CLEC1A: variants seen among roughly 807,000 people sequenced by gnomAD.
CLEC1A encodes C-type lectin-like receptor-1.
A neutral mutation model predicts 28.7 loss-of-function variants in CLEC1A; 34 were observed. The observed-to-expected ratio is 1.18, with a 90% CI of 0.90 to 1.57. The LOEUF is 1.57. Among genes scored for constraint, CLEC1A ranks in the 40% most tolerant of loss-of-function variants. The pLI, the probability that CLEC1A is intolerant of heterozygous loss-of-function variation, is 0.00. For synonymous variants in CLEC1A, 116 were observed against 121.0 expected (o/e 0.96, Z 0.27); for missense variants, 385 against 339.5 (o/e 1.13, Z -1.05).
intron 1 of CLEC1A, among the ~76,000 whole-genome samples, chr12:10,097,840 C>T (rs1314618794): frequency 1.4e-5 from 2 of 138,716 alleles, no homozygotes; most frequent in Non-Finnish European, 3.1e-5. Context: ...GACATCCCTA[C>T]TTTTGTCACT....
intron 3 of CLEC1A, among the ~76,000 whole-genome samples, chr12:10,079,531 AT>A (rs869108998): frequency 2.2e-5 from 3 of 139,270 alleles, no homozygotes; most frequent in Admixed American, 7.0e-5. Context: ...TTAAAAAAAA[AT>A]TTTTTTTAGC....
chr12:10,083,594 T>C (rs1354649054), intron 2 of CLEC1A, among the ~76,000 whole-genome samples: 1 of 152,152 alleles, frequency 6.6e-6, no homozygotes, highest in Non-Finnish European at 1.5e-5. Context: ...TGCCTCAGCC[T>C]CTCAAGTGGC....
rs988120041 is a variant in CLEC1A, at chr12:10,098,834, G to A, written c.89C>T (p.Thr30Ile). The A allele has an allele frequency of 4.3e-6, 7 of 1,613,528 alleles. No individual in the cohort carries two copies. Among genetic ancestry groups the A allele is most frequent in the Non-Finnish European group, 5.9e-6 (7 of 1,179,696 alleles). ...MSLHSQGSAT[T>I]RHPEPRRTEH... is the part of the protein sequence containing the mutation. Reference sequence around the variant, plus strand: ...TGTGCGCCGGGGCTCTGGATGCCGAGTTGTGGCAGAGCCTTGAGAATGCAG... The same window carrying A: ...TGTGCGCCGGGGCTCTGGATGCCGAATTGTGGCAGAGCCTTGAGAATGCAG... Residue 30 changes from threonine to isoleucine, a missense_variant, in exon 1 of 6, where the codon ACT (threonine) becomes ATT (isoleucine). Physicochemically the swap from Thr to Ile is moderately conservative, Grantham distance 89. Transcript: ENST00000315330.
chr12:10,093,762 C>A (rs1477502162), intron 1 of CLEC1A, among the ~76,000 whole-genome samples: 3 of 151,936 alleles, frequency 2.0e-5, no homozygotes, highest in Non-Finnish European at 4.4e-5. Context: ...GACATGGGGG[C>A]AAAACTGGTG....
chr12:10,084,140 C>A (rs1273941423), intron 2 of CLEC1A: 1 of 152,206 alleles, frequency 6.6e-6, no homozygotes, highest in African/African-American at 2.4e-5. Flanking sequence ...CAGGAAAACA[C>A]CCATGGTCTT....
intron 1 of CLEC1A, among the ~76,000 whole-genome samples, chr12:10,097,961 T>C (rs1304571499): frequency 2.1e-5 from 1 of 48,068 alleles, no homozygotes; most frequent in Non-Finnish European, 6.9e-5. Flanking sequence ...GGAGGGTCAT[T>C]TAATAAATAG....
chr12:10,093,521 T>C (rs1480523174), intron 1 of CLEC1A, among the ~76,000 whole-genome samples: 1 of 151,962 alleles, frequency 6.6e-6, no homozygotes, highest in African/African-American at 2.4e-5. Context: ...CCAGTTACCC[T>C]TCATCAGGCA....
At chr12:10,085,090 G>A (rs1163099185) in intron 2 of CLEC1A, among the ~76,000 whole-genome samples, 1 of 151,794 alleles carries the variant, frequency 6.6e-6, no homozygotes, top group South Asian at 2.1e-4. Flanking sequence ...CCAAGACAGA[G>A]CTACAAGAAA....
intron 1 of CLEC1A, among the ~76,000 whole-genome samples, chr12:10,095,061 C>T (rs1947758850): frequency 6.6e-6 from 1 of 152,152 alleles, no homozygotes; most frequent in South Asian, 2.1e-4. Flanking sequence ...AGTATTCCTT[C>T]CACTTCTCTA....
chr12:10,073,100 AACAC>A (rs376572534), intron 5 of CLEC1A, among the ~76,000 whole-genome samples, 189 bp downstream of exon 5: 2 of 150,924 alleles, frequency 1.3e-5, no homozygotes, highest in Admixed American at 6.6e-5. Context: ...CAAACGAACA[AACAC>A]ACACACACAC....
chr12:10,096,454 T>C (rs1459500777), intron 1 of CLEC1A, among the ~76,000 whole-genome samples: 2 of 152,186 alleles, frequency 1.3e-5, no homozygotes, highest in African/African-American at 4.8e-5. Context: ...ACTGGACTAG[T>C]GGAAAAATTT....
At chr12:10,088,143 C>T (rs1361710892) in intron 2 of CLEC1A, among the ~76,000 whole-genome samples, 2 of 152,076 alleles carry the variant, frequency 1.3e-5, no homozygotes, top group African/African-American at 2.4e-5. Flanking sequence ...TTCCTAACAT[C>T]ATTTGACTAG....
At chr12:10,081,863 T>C (rs1189435380) in intron 2 of CLEC1A, among the ~76,000 whole-genome samples, 2 of 152,016 alleles carry the variant, frequency 1.3e-5, no homozygotes, top group East Asian at 1.9e-4. Flanking sequence ...ACATCCCTAA[T>C]GGGGAACCTG....
chr12:10,073,095 G>A (rs1485365354), intron 5 of CLEC1A, among the ~76,000 whole-genome samples, 198 bp downstream of exon 5: 5 of 151,814 alleles, frequency 3.3e-5, no homozygotes, highest in South Asian at 4.1e-4. Flanking sequence ...ACAATCAAAC[G>A]AACAAACACA....
At chr12:10,094,655 C>T (rs1024588573) in intron 1 of CLEC1A, among the ~76,000 whole-genome samples, 7 of 152,110 alleles carry the variant, frequency 4.6e-5, no homozygotes, top group African/African-American at 7.2e-5. Flanking sequence ...TTCCTATCCT[C>T]CCAACACATC....
At chr12:10,075,261 C>T (rs868342244) in intron 4 of CLEC1A, among the ~76,000 whole-genome samples, 1 of 152,136 alleles carries the variant, frequency 6.6e-6, no homozygotes, top group African/African-American at 2.4e-5. Flanking sequence ...ACTTTGTTCC[C>T]TGAGAGGGGA....
chr12:10,095,225 G>A (rs1334668145), intron 1 of CLEC1A, among the ~76,000 whole-genome samples: 1 of 151,976 alleles, frequency 6.6e-6, no homozygotes, highest in Middle Eastern at 3.2e-3. Flanking sequence ...CTAAAACGCT[G>A]GGAAATTCAA....
At position 10,071,378 on chromosome 12, in the gene CLEC1A, T is replaced by C. The variant is rs749978919; in HGVS notation, c.798A>G (p.Pro266=). 2.0e-5 allele frequency: 32 copies of C among 1,613,860 alleles called. No homozygotes were observed. In the East Asian group the frequency reaches 6.7e-4, roughly 34 times the overall value. ...VCERRAGMVK[P]ESLHVPPETL... ...TTTCAGGGGGGACATGGAGGCTCTC[T>C]GGCTTCACCATTCCTGCCCTTCTCT... The change falls in exon 6 of 6, where the codon CCA becomes CCG. Residue 266 remains proline, a synonymous_variant. Coordinates refer to ENST00000315330, the MANE Select transcript of CLEC1A (RefSeq NM_016511.4).
At chr12:10,092,483 G>A (rs1215525315) in intron 1 of CLEC1A, 2 of 375,646 alleles carry the variant, frequency 5.3e-6, no homozygotes, top group East Asian at 2.5e-4. Flanking sequence ...GGAGGTCAAG[G>A]CTGCAGTGAG....
Sources: gnomAD v4.1 joint callset for allele counts (sites outside exome capture counted in the v4.1 genomes callset) on GRCh38, gnomAD v4.1.1 for gene constraint, MANE v1.5 for transcripts, NCBI Gene and HGNC (gene_info 2026-07-23, HGNC 2026-07-21) for gene names.